The following NTF3 variants were observed in gnomAD, a reference collection of about 807,000 sequenced individuals.
NTF3 encodes the protein neurotrophin-3.
Under a neutral mutation model 26.3 loss-of-function variants are expected in NTF3, and 8 were observed. The observed-to-expected ratio is 0.30, with a 90% CI of 0.18 to 0.55. The LOEUF (loss-of-function observed/expected upper bound fraction) is 0.55. Among genes scored for constraint, NTF3 ranks in the 20% least tolerant of loss-of-function variants. The pLI, the probability that NTF3 is intolerant of heterozygous loss-of-function variation, is 0.93. For missense variants in NTF3, 276 were observed against 352.9 expected (o/e 0.78, Z 1.75); for synonymous variants, 154 against 145.5 (o/e 1.06, Z -0.42).
Position 5,432,196 on chromosome 12 carries a change from T to C in NTF3, c.-129T>C. 2 of 1,110,100 alleles carry C rather than the reference T, an allele frequency of 1.8e-6. No individual in the cohort carries two copies. Among genetic ancestry groups the C allele is most frequent in the Non-Finnish European group, 2.7e-6 (2 of 732,044 alleles). The allele number at this position is 1,110,100 out of a possible 1,614,324, so 68.8% of individuals were successfully genotyped here. On this transcript the variant is annotated 5_prime_UTR_variant, in exon 1 of 2. Coordinates refer to ENST00000423158, the MANE Select transcript of NTF3 (RefSeq NM_001102654.2). Reference sequence around the variant, plus strand: ...GCGCAACTACTTTCTTCTCTCTCCTTTCTTTCTTCCTCTCCTTTTTCCCCT... The same window carrying C: ...GCGCAACTACTTTCTTCTCTCTCCTCTCTTTCTTCCTCTCCTTTTTCCCCT...
rs763845329 is a variant in NTF3, at chr12:5,494,363, A to C, written c.188A>C (p.Lys63Thr). 6.2e-7 allele frequency: 1 copy of C among 1,614,064 alleles called. No individual in the cohort carries two copies. The highest frequency in any genetic ancestry group is 1.1e-5 in the South Asian group (1 of 91,070). Residue 63 changes from lysine to threonine, a missense_variant, in exon 2 of 2, where the codon AAG becomes ACG. By Grantham distance (78) the Lys-to-Thr change is moderately conservative. Around this residue, in one of 3 missense-constraint regions of NTF3, gnomAD observed 221 missense variants for 258.2 expected, o/e 0.86. Transcript: ENST00000423158. This position sits in a 1 kb window ranked among gnomAD's most constrained non-coding sequence, Gnocchi z 8.3. ...QADILKNKLS[K>T]QMVDVKENYQ... ...GATATTTTGAAAAACAAGCTCTCCA[A>C]GCAGATGGTGGACGTTAAGGAAAAT...
rs199928382 is a variant in NTF3 at position 5,494,804 on chromosome 12, A to G, written c.629A>G (p.Glu210Gly). ...TATTTTTATGAAACGCGATGTAAGGAAGCCAGGCCGGTCAAAAACGGTTGC... is the reference window on the plus strand; with the variant it reads ...TATTTTTATGAAACGCGATGTAAGGGAGCCAGGCCGGTCAAAAACGGTTGC... ...KQYFYETRCKEARPVKNGCRG... is the reference protein window; with the variant it reads ...KQYFYETRCKGARPVKNGCRG... The change falls in exon 2 of 2, where the codon GAA becomes GGA. Residue 210 changes from glutamate (E) to glycine (G), a missense_variant. By Grantham distance (98) the Glu-to-Gly change is moderately conservative. Coordinates refer to ENST00000423158, the MANE Select transcript of NTF3 (RefSeq NM_001102654.2). The surrounding 1 kb of genome is among the most constrained non-coding windows in gnomAD (Gnocchi z 8.3). 2.0e-4 allele frequency: 317 copies of G among 1,614,034 alleles called. 1 individual carries two copies. The highest frequency in any genetic ancestry group is 6.8e-6 in the Non-Finnish European group (8 of 1,180,050).
intron 1 of NTF3, among the ~76,000 whole-genome samples, chr12:5,470,496 C>T (rs940486031): frequency 5.9e-5 from 9 of 152,212 alleles, no homozygotes; most frequent in African/African-American, 2.2e-4. Flanking sequence ...CATCCGTGTT[C>T]CTGGGGCATT....
intron 1 of NTF3, among the ~76,000 whole-genome samples, chr12:5,464,479 G>C (rs1292446330): frequency 6.6e-6 from 1 of 152,194 alleles, no homozygotes; most frequent in Non-Finnish European, 1.5e-5. Flanking sequence ...ATCATTAATT[G>C]AAGATACTGT....
chr12:5,437,471 C>T (rs994284326), intron 1 of NTF3, among the ~76,000 whole-genome samples: 1 of 152,204 alleles, frequency 6.6e-6, no homozygotes, highest in African/African-American at 2.4e-5. Context: ...TTCAGGATGC[C>T]TGACGGAGCA....
chr12:5,474,384 G>C lies in NTF3; in HGVS notation c.19-19810G>C, dbSNP rs1334932064. Reference sequence around the variant, plus strand: ...GGCTCAGACAGTCAAATAGTAGTTAGCCAGGGAAGGAAAGGGAGAAATTGC... The same window carrying C: ...GGCTCAGACAGTCAAATAGTAGTTACCCAGGGAAGGAAAGGGAGAAATTGC... On this transcript the variant is annotated intron_variant, in intron 1 of 1. Transcript: ENST00000423158. Among the ~76,000 whole-genome samples the C allele has an allele frequency of 9.8e-5, 15 of 152,352 alleles. No homozygotes were observed. In the East Asian group the frequency reaches 2.1e-3, roughly 22 times the overall value.
intron 1 of NTF3, among the ~76,000 whole-genome samples, chr12:5,447,256 C>G (rs1413902965): frequency 6.6e-6 from 1 of 152,188 alleles, no homozygotes; most frequent in African/African-American, 2.4e-5. Context: ...TGTATGGACA[C>G]TGGGCAATTT....
Position 5,495,260 on chromosome 12 carries a change from C to A in NTF3, c.*272C>A, listed in dbSNP as rs554241465. On this transcript the variant is annotated 3_prime_UTR_variant, in exon 2 of 2. Transcript: ENST00000423158. ...ACCAGTATTTTGCATTCAGTATTGTCAAGGCCATGACTGTTGTTTTAGTAA... is the reference window on the plus strand; with the variant it reads ...ACCAGTATTTTGCATTCAGTATTGTAAAGGCCATGACTGTTGTTTTAGTAA... The A allele has an allele frequency of 1.9e-5, 8 of 417,448 alleles. No homozygotes were observed. Among genetic ancestry groups the A allele is most frequent in the Non-Finnish European group, 3.6e-5 (8 of 223,816 alleles). 25.9% of individuals were successfully genotyped at this position (417,448 alleles called of 1,614,324 possible). A position where few individuals can be genotyped will look rare whatever the true frequency, so the allele number is the denominator to read the frequency against.
At chr12:5,481,521 C>CATACACACACCACAT (rs1940797182) in intron 1 of NTF3, among the ~76,000 whole-genome samples, 1 of 12,012 alleles carries the variant, frequency 8.3e-5, no homozygotes, top group Non-Finnish European at 2.0e-4. Context: ...CACACATGCA[C>CATACACACACCACAT]ACACACAGAC....
At chr12:5,431,454 C>G (rs576888873), upstream of NTF3, among the ~76,000 whole-genome samples, 1 of 152,162 alleles carries the variant, frequency 6.6e-6, no homozygotes, top group African/African-American at 2.4e-5. Flanking sequence ...CCTTGACCTC[C>G]CTTGACCGCC....
intron 1 of NTF3, among the ~76,000 whole-genome samples, chr12:5,468,367 C>CT (rs879869520): frequency 1.1e-4 from 17 of 151,928 alleles, no homozygotes; most frequent in African/African-American, 1.7e-4. Flanking sequence ...ACACTAGGGC[C>CT]TTTTTTTTAC....
At chr12:5,432,874 A>C (rs1173652900) in intron 1 of NTF3, among the ~76,000 whole-genome samples, 1 of 151,274 alleles carries the variant, frequency 6.6e-6, no homozygotes, top group Non-Finnish European at 1.5e-5. Context: ...CCGGGCGGGG[A>C]GGTGCCGCGG....
intron 1 of NTF3, among the ~76,000 whole-genome samples, chr12:5,449,879 G>C (rs151028843): frequency 6.6e-6 from 1 of 152,302 alleles, no homozygotes; most frequent in South Asian, 2.1e-4. Context: ...CCCTTTCTTA[G>C]CCTCTGATGA....
At chr12:5,467,191 T>C (rs1346169593) in intron 1 of NTF3, among the ~76,000 whole-genome samples, 1 of 119,960 alleles carries the variant, frequency 8.3e-6, no homozygotes, top group South Asian at 2.8e-4. Flanking sequence ...ATCATGCCAC[T>C]GCACTCCAAC....
intron 1 of NTF3, among the ~76,000 whole-genome samples, chr12:5,459,027 C>T (rs1357447489): frequency 1.3e-5 from 2 of 152,200 alleles, no homozygotes; most frequent in Non-Finnish European, 2.9e-5. Flanking sequence ...AACTGGGGGC[C>T]GGGCAGGTTT....
At chr12:5,457,754 T>C (rs1940470077) in intron 1 of NTF3, among the ~76,000 whole-genome samples, 1 of 152,140 alleles carries the variant, frequency 6.6e-6, no homozygotes, top group African/African-American at 2.4e-5. Context: ...CCCCAAACTT[T>C]CCCAACTCCA....
chr12:5,437,924 G>C (rs926546305), intron 1 of NTF3, among the ~76,000 whole-genome samples: 1 of 152,140 alleles, frequency 6.6e-6, no homozygotes, highest in Admixed American at 6.5e-5. Context: ...AGATGCCCTG[G>C]GTAGATGGGG....
At chr12:5,436,514 T>G (rs1397419701) in intron 1 of NTF3, among the ~76,000 whole-genome samples, 2 of 152,176 alleles carry the variant, frequency 1.3e-5, no homozygotes, top group Admixed American at 1.3e-4. Context: ...TCTCTTTTTG[T>G]AAAGGGGCAA....
chr12:5,492,391 A>G (rs945254084), intron 1 of NTF3, among the ~76,000 whole-genome samples: 3 of 152,204 alleles, frequency 2.0e-5, no homozygotes, highest in African/African-American at 7.2e-5. Flanking sequence ...AAATGATTTT[A>G]TTGCAGCTGT....
Sources: allele counts gnomAD v4.1 joint callset (sites outside exome capture counted in the v4.1 genomes callset), GRCh38; gene constraint gnomAD v4.1.1; regional missense constraint gnomAD v4.1.1; non-coding constraint Gnocchi (gnomAD v3.1); transcripts MANE v1.5; gene names NCBI Gene and HGNC (gene_info 2026-07-23, HGNC 2026-07-21).